Variants in CELF1 observed in about 807,000 individuals in gnomAD.
CELF1 encodes the protein 50 kDa nuclear polyadenylated RNA-binding protein.
Under a neutral mutation model 61.8 loss-of-function variants are expected in CELF1, and 10 were observed. That is an observed-to-expected ratio of 0.16 (90% CI 0.10 to 0.27). The LOEUF is 0.27. Ranked by LOEUF, CELF1 falls within the 10% of genes least tolerant of loss-of-function variation. The probability of loss-of-function intolerance (pLI) is 1.00; values close to 1 mark genes in which losing one functional copy is unlikely to be tolerated. For missense variants in CELF1, 380 were observed against 639.1 expected, an observed-to-expected ratio of 0.59 and a Z score of 4.37; for synonymous variants, 236 against 225.1, an observed-to-expected ratio of 1.05 and a Z score of -0.43.
At chr11:47,538,254 C>T (rs1437715151) in intron 1 of CELF1, among the ~76,000 whole-genome samples, 3 of 152,318 alleles carry the variant, frequency 2.0e-5, no homozygotes, top group South Asian at 2.1e-4. Context: ...CATTTGATCT[C>T]TGATATCAAA....
chr11:47,510,006 G>A (rs899275251), intron 1 of CELF1, among the ~76,000 whole-genome samples: 1 of 151,800 alleles, frequency 6.6e-6, no homozygotes, highest in African/African-American at 2.4e-5. Flanking sequence ...AGGTTGCAGT[G>A]AGCCGAGATC....
In CELF1 at chr11:47,466,366, T is replaced by C. The variant is rs1035590662; in HGVS notation, c.*5864A>G. 4 of 152,224 alleles carry C rather than the reference T, an allele frequency of 2.6e-5. No individual in the cohort carries two copies. The highest frequency in any genetic ancestry group is 4.4e-5 in the Non-Finnish European group (3 of 68,040). 9.4% of individuals were successfully genotyped at this position (152,224 alleles called of 1,614,324 possible). On this transcript the variant is annotated 3_prime_UTR_variant, in exon 15 of 15. Transcript: ENST00000687097. Reference sequence around the variant, plus strand: ...TACGGCTGAATCACGACTGAGTTGATTGAATCCCGTTGTTGCTGCAGAACA... The same window carrying C: ...TACGGCTGAATCACGACTGAGTTGACTGAATCCCGTTGTTGCTGCAGAACA...
intron 3 of CELF1, among the ~76,000 whole-genome samples, chr11:47,498,108 G>A (rs374252298): frequency 1.5e-4 from 23 of 152,194 alleles, no homozygotes; most frequent in Admixed American, 8.5e-4. Context: ...TTAAATTACC[G>A]TAATTTTGGA....
At chr11:47,534,645 G>C (rs557830515) in intron 1 of CELF1, among the ~76,000 whole-genome samples, 1 of 152,152 alleles carries the variant, frequency 6.6e-6, no homozygotes, top group South Asian at 2.1e-4. Context: ...GGAGAATGGT[G>C]TGAACCCAGG....
intron 13 of CELF1, among the ~76,000 whole-genome samples, chr11:47,474,577 C>T (rs2079157308): frequency 6.6e-6 from 1 of 152,220 alleles, no homozygotes; most frequent in Non-Finnish European, 1.5e-5. Flanking sequence ...GTTCACGCTA[C>T]ATTCTCCTAC....
At chr11:47,511,869 GAC>G (rs1479565665) in intron 1 of CELF1, among the ~76,000 whole-genome samples, 1 of 151,908 alleles carries the variant, frequency 6.6e-6, no homozygotes, top group Non-Finnish European at 1.5e-5. Context: ...TTTTTTTTGA[GAC>G]AGAGTCTCTC....
At chr11:47,528,859 C>A (rs1598050049) in intron 1 of CELF1, among the ~76,000 whole-genome samples, 1 of 151,770 alleles carries the variant, frequency 6.6e-6, no homozygotes, top group African/African-American at 2.4e-5. Context: ...CCACTGCACT[C>A]CAGCCAGGCC....
intron 9 of CELF1, among the ~76,000 whole-genome samples, chr11:47,481,099 CTTCT>C (rs2082896585): frequency 1.1e-4 from 7 of 62,294 alleles, no homozygotes; most frequent in Admixed American, 4.4e-4. Flanking sequence ...TTTTTTTCTT[CTTCT>C]TTTTTTTTTT....
chr11:47,558,529 ATATATTT>A (rs2097213133), intron 2 of CELF1, among the ~76,000 whole-genome samples: 2 of 115,344 alleles, frequency 1.7e-5, no homozygotes, highest in African/African-American at 8.0e-5. Context: ...ATGTATATGT[ATATATTT>A]ATATATTTAT....
intron 1 of CELF1, among the ~76,000 whole-genome samples, chr11:47,548,657 G>A (rs1396027345): frequency 6.6e-6 from 1 of 151,880 alleles, no homozygotes; most frequent in African/African-American, 2.4e-5. Context: ...CCTGAGGTTG[G>A]GAGTTCGAGA....
chr11:47,501,152 C>T (rs2093843050), intron 1 of CELF1, among the ~76,000 whole-genome samples: 1 of 152,224 alleles, frequency 6.6e-6, no homozygotes, highest in Non-Finnish European at 1.5e-5. Flanking sequence ...CAGCAGCTTA[C>T]TGCTTTTTCT....
intron 1 of CELF1, among the ~76,000 whole-genome samples, chr11:47,547,058 T>C: frequency 2.1e-4 from 3 of 14,422 alleles, no homozygotes; most frequent in African/African-American, 3.1e-4. Context: ...AAAGCGAAAC[T>C]CCACCTCAAA....
intron 9 of CELF1, among the ~76,000 whole-genome samples, chr11:47,480,089 C>CTTTT (rs972385893): frequency 1.1e-4 from 16 of 139,166 alleles, no homozygotes; most frequent in African/African-American, 4.0e-4. Context: ...CACGTCTACA[C>CTTTT]TTTTTTTTTT....
At chr11:47,474,107 C>T (rs2078937896) in intron 13 of CELF1, among the ~76,000 whole-genome samples, 1 of 152,182 alleles carries the variant, frequency 6.6e-6, no homozygotes, top group South Asian at 2.1e-4. Flanking sequence ...CCATGTTGGT[C>T]AGGCTGGTCT....
chr11:47,495,562 G>T (rs1473399730), intron 3 of CELF1, among the ~76,000 whole-genome samples: 1 of 152,192 alleles, frequency 6.6e-6, no homozygotes, highest in Non-Finnish European at 1.5e-5. Context: ...TGTGAATTAT[G>T]TCTCAATGTG....
At chr11:47,488,039 A>C (rs2088705546) in intron 4 of CELF1, among the ~76,000 whole-genome samples, 1 of 152,220 alleles carries the variant, frequency 6.6e-6, no homozygotes, top group Admixed American at 6.5e-5. Context: ...TTATATTTTT[A>C]GTTAACCATG....
intron 12 of CELF1, 31 bp from the exon 13 acceptor site, chr11:47,475,552 C>T (rs775487554): frequency 6.2e-7 from 1 of 1,606,410 alleles, no homozygotes; most frequent in Non-Finnish European, 8.5e-7. Context: ...GATTAATATA[C>T]TAGAAAGACT....
upstream of CELF1, chr11:47,557,419 G>C (rs1204344459): frequency 6.9e-6 from 1 of 145,210 alleles, no homozygotes; most frequent in African/African-American, 2.6e-5. Context: ...GGGTTTCACC[G>C]TGTTAGCCAG....
In CELF1 at chr11:47,482,953, C is replaced by A. The variant is rs1372483910; in HGVS notation, c.607-97G>T. ...TGACATGCAGGTTACATTCTAATTTCATTCACTGCCAAATGATTCTCCTCA... is the reference window on the plus strand; with the variant it reads ...TGACATGCAGGTTACATTCTAATTTAATTCACTGCCAAATGATTCTCCTCA... On this transcript the variant is annotated intron_variant, in intron 8 of 14. Transcript: ENST00000687097. 5 of 1,029,546 alleles carry A rather than the reference C, an allele frequency of 4.9e-6. No homozygotes were observed. The Admixed American group carries it at 9.9e-5, about 20-fold the overall frequency. 63.8% of individuals were successfully genotyped at this position (1,029,546 alleles called of 1,614,324 possible). A position where few individuals can be genotyped will look rare whatever the true frequency, so the allele number is the denominator to read the frequency against.
Sources: allele counts gnomAD v4.1 joint callset (sites outside exome capture counted in the v4.1 genomes callset), GRCh38; gene constraint gnomAD v4.1.1; transcripts MANE v1.5; gene names NCBI Gene and HGNC (gene_info 2026-07-23, HGNC 2026-07-21).